The following DISC1 variants were observed in gnomAD, a reference collection of about 807,000 sequenced individuals.
DISC1 encodes disrupted in schizophrenia 1 protein.
Under a neutral mutation model 84.5 loss-of-function variants are expected in DISC1, and 57 were observed. The ratio of observed to expected loss-of-function variants is 0.67; its 90% CI spans 0.55 to 0.84. DISC1 has a LOEUF of 0.84. Ranked by LOEUF, DISC1 falls within the 40% of genes least tolerant of loss-of-function variation. The probability of loss-of-function intolerance (pLI) is 0.00; values close to 1 mark genes in which losing one functional copy is unlikely to be tolerated. For missense variants in DISC1, 1,000 were observed against 1,057.8 expected, an observed-to-expected ratio of 0.95 and a Z score of 0.76; for synonymous variants, 411 against 415.2, an observed-to-expected ratio of 0.99 and a Z score of 0.12.
intron 1 of DISC1, among the ~76,000 whole-genome samples, chr1:231,655,265 G>T (rs574989697): frequency 6.6e-6 from 1 of 152,176 alleles, no homozygotes; most frequent in African/African-American, 2.4e-5. Context: ...CCCCTATTCT[G>T]AGTCTCTAAA....
chr1:232,019,949 T>A (rs527390820), intron 11 of DISC1, among the ~76,000 whole-genome samples: 25 of 152,286 alleles, frequency 1.6e-4, no homozygotes, highest in African/African-American at 5.5e-4. Flanking sequence ...GAATTGAGAC[T>A]TTGCAGAGTT....
intron 9 of DISC1, among the ~76,000 whole-genome samples, chr1:231,871,060 G>A (rs889189378): frequency 3.9e-5 from 6 of 152,114 alleles, no homozygotes; most frequent in African/African-American, 1.4e-4. Context: ...GTGTGGAATA[G>A]GGCAGATACT....
chr1:231,917,906 G>A (rs1042396583), intron 9 of DISC1, among the ~76,000 whole-genome samples: 4 of 152,180 alleles, frequency 2.6e-5, no homozygotes, highest in Admixed American at 6.5e-5. Flanking sequence ...CATATTCAAC[G>A]TGGAGATCTG....
chr1:231,872,983 T>C (rs1426550628), intron 9 of DISC1, among the ~76,000 whole-genome samples: 1 of 152,248 alleles, frequency 6.6e-6, no homozygotes, highest in East Asian at 1.9e-4. Flanking sequence ...CTACTGCATA[T>C]AAAGATGTAT....
chr1:231,993,790 T>G (rs1665553017), intron 10 of DISC1, among the ~76,000 whole-genome samples: 1 of 152,190 alleles, frequency 6.6e-6, no homozygotes, highest in Non-Finnish European at 1.5e-5. Flanking sequence ...AGGGCTTGTT[T>G]GATGGGGAGC....
intron 3 of DISC1, among the ~76,000 whole-genome samples, chr1:231,742,975 C>G (rs1440144443): frequency 6.6e-6 from 1 of 152,176 alleles, no homozygotes; most frequent in Admixed American, 6.6e-5. Flanking sequence ...CATAGCTAAT[C>G]ACAGATATTT....
At chr1:231,868,157 A>G (rs1165856663) in intron 9 of DISC1, among the ~76,000 whole-genome samples, 1 of 152,186 alleles carries the variant, frequency 6.6e-6, no homozygotes, top group Non-Finnish European at 1.5e-5. Flanking sequence ...TGGCATTCTC[A>G]GGTGGGCAAA....
intron 9 of DISC1, among the ~76,000 whole-genome samples, chr1:231,928,780 G>A (rs189573759): frequency 6.6e-6 from 1 of 152,172 alleles, no homozygotes; most frequent in Admixed American, 6.5e-5. Flanking sequence ...TGGTTTCAAA[G>A]AACTTATTTA....
chr1:232,029,342 G>C (rs957843120), intron 12 of DISC1, among the ~76,000 whole-genome samples: 1 of 152,182 alleles, frequency 6.6e-6, no homozygotes, highest in African/African-American at 2.4e-5. Context: ...ACTTAAATTT[G>C]AGTGGAACAT....
intron 1 of DISC1, among the ~76,000 whole-genome samples, chr1:231,641,345 C>G (rs916197084): frequency 9.2e-5 from 14 of 152,062 alleles, no homozygotes; most frequent in Non-Finnish European, 1.9e-4. Context: ...CTCGCTGGCT[C>G]AAGAGTGAAG....
chr1:231,938,002 A>C (rs778160385), intron 9 of DISC1, among the ~76,000 whole-genome samples: 195 of 152,022 alleles, frequency 1.3e-3, no homozygotes, highest in South Asian at 2.9e-3. Flanking sequence ...TGACCACTCC[A>C]TCTCTGTTCT....
chr1:231,707,592 A>C (rs1393234945), intron 3 of DISC1, among the ~76,000 whole-genome samples: 1 of 152,252 alleles, frequency 6.6e-6, no homozygotes, highest in East Asian at 1.9e-4. Flanking sequence ...GAAATGCTCA[A>C]AGTCACCATT....
At chr1:231,960,899 C>G (rs1238883599) in intron 10 of DISC1, among the ~76,000 whole-genome samples, 1 of 152,222 alleles carries the variant, frequency 6.6e-6, no homozygotes, top group Non-Finnish European at 1.5e-5. Flanking sequence ...CCATGATCCC[C>G]TCCTTGGGTT....
chr1:231,929,352 C>T (rs1339300428), intron 9 of DISC1, among the ~76,000 whole-genome samples: 2 of 152,198 alleles, frequency 1.3e-5, no homozygotes, highest in African/African-American at 4.8e-5. Flanking sequence ...CCACTCCTGA[C>T]AAAATATGGA....
intron 3 of DISC1, among the ~76,000 whole-genome samples, chr1:231,705,614 G>T (rs2066994608): frequency 6.6e-6 from 1 of 152,012 alleles, no homozygotes; most frequent in East Asian, 1.9e-4. Flanking sequence ...GTCAGTGATT[G>T]GTAAATTATT....
In DISC1 at chr1:231,836,428, G is replaced by C. The variant is rs16855171; in HGVS notation, c.1981+17911G>C. ...ATGACCTTTGAAACTGTCATCAGGG[G>C]CATGAAAAATGGGTTTGCAATAGTT... On this transcript the variant is annotated intron_variant, in intron 9 of 12. Transcript: ENST00000439617. Among the ~76,000 whole-genome samples, 841 of 152,238 alleles carry C rather than the reference G, an allele frequency of 5.5e-3. 11 individuals carry two copies. Among genetic ancestry groups the C allele is most frequent in the African/African-American group, 0.019 (783 of 41,552 alleles).
chr1:231,954,076 C>T lies in DISC1; in HGVS notation c.1982-4752C>T, dbSNP rs770966061. ...TGACATTCTTCTACCTTCCAACTTC[C>T]GTGTTTACACTGAAAAAGCTGTTGC... On this transcript the variant is annotated intron_variant, in intron 9 of 12. Transcript: ENST00000439617. The surrounding 1 kb of genome is among the most constrained non-coding windows in gnomAD (Gnocchi z 4.8). Among the ~76,000 whole-genome samples, 133 of 152,284 alleles carry T rather than the reference C, an allele frequency of 8.7e-4. No individual in the cohort carries two copies. Among genetic ancestry groups the T allele is most frequent in the Non-Finnish European group, 1.4e-3 (96 of 68,034 alleles).
intron 12 of DISC1, among the ~76,000 whole-genome samples, chr1:232,030,281 G>A (rs761244019): frequency 2.6e-5 from 4 of 152,184 alleles, no homozygotes; most frequent in Non-Finnish European, 4.4e-5. Flanking sequence ...TCTCCTCCAC[G>A]CTCAAAATAT....
intron 9 of DISC1, among the ~76,000 whole-genome samples, chr1:231,837,809 C>T (rs894896209): frequency 6.6e-6 from 1 of 152,124 alleles, no homozygotes; most frequent in Non-Finnish European, 1.5e-5. Context: ...GAAACTGAAG[C>T]ATGCCATTGT....
Sources: gnomAD v4.1 joint callset for allele counts (sites outside exome capture counted in the v4.1 genomes callset) on GRCh38, gnomAD v4.1.1 for gene constraint, Gnocchi (gnomAD v3.1) non-coding constraint, MANE v1.5 for transcripts, NCBI Gene and HGNC (gene_info 2026-07-23, HGNC 2026-07-21) for gene names.